The following EPB41L4A variants were observed in gnomAD, a reference collection of about 807,000 sequenced individuals.
EPB41L4A encodes erythrocyte membrane protein band 4.1 like 4A.
EPB41L4A carries 100 observed loss-of-function variants against 108.6 expected under a neutral mutation model. That is an observed-to-expected ratio of 0.92 (90% CI 0.78 to 1.09). The LOEUF (loss-of-function observed/expected upper bound fraction) is 1.09. EPB41L4A is among the 50% of genes least tolerant of loss of function. EPB41L4A has a pLI of 0.00. For missense variants in EPB41L4A, 1,030 were observed against 842.7 expected (o/e 1.22, Z -2.75); for synonymous variants, 319 against 289.0 (o/e 1.10, Z -1.05).
chr5:112,246,521 G>A lies in EPB41L4A; in HGVS notation c.796-5711C>T, dbSNP rs554457922. Among the ~76,000 whole-genome samples the A allele has an allele frequency of 3.3e-5, 5 of 152,212 alleles. No individual in the cohort carries two copies. The East Asian group carries it at 9.7e-4, about 29-fold the overall frequency. The stretch of plus-strand genomic sequence containing the variant: ...GCTGGGAACTGGGTCACGCAAACCT[G>A]CCTCTCCTTTTTGGTTCCTAAATAA... On this transcript the variant is annotated intron_variant, in intron 9 of 22. Transcript: ENST00000261486.
rs368151776 is a variant in EPB41L4A at position 112,234,679 on chromosome 5, G to A, written c.1042C>T (p.Arg348Ter). 6 of 1,613,492 alleles carry A rather than the reference G, an allele frequency of 3.7e-6. No individual in the cohort carries two copies. The highest frequency in any genetic ancestry group is 1.3e-5 in the African/African-American group (1 of 74,868). ...PRPDQNVTRS[R>*]SKTYPKRIAQ... ...ATTCGCTTAGGGTAAGTCTTGCTTC[G>A]ACTTCTTGTCACATTCTGATCAGGC... The change falls in exon 12 of 23, where the codon CGA becomes TGA. Residue 348 changes from arginine (R) to a stop codon, truncating the protein, a stop_gained. Coordinates refer to ENST00000261486, the MANE Select transcript of EPB41L4A (RefSeq NM_022140.5). LOFTEE classifies it high-confidence loss of function.
Position 112,205,444 on chromosome 5 carries a change from C to T in EPB41L4A, c.1239G>A (p.Pro413=), listed in dbSNP as rs770394354. ...PDTQRSKSHA[P]WEENGPQSGL... is the part of the protein sequence containing the mutation. ...ACCTCTGGGGGCCATTTTCTTCCCA[C>T]GGTGCATGAGATTTGCTTCTTTGGG... The change falls in exon 14 of 23, where the codon CCG becomes CCA. Residue 413 remains proline, a synonymous_variant. Transcript: ENST00000261486. 7 of 1,613,782 alleles carry T rather than the reference C, an allele frequency of 4.3e-6. No individual in the cohort carries two copies. Among genetic ancestry groups the T allele is most frequent in the South Asian group, 3.3e-5 (3 of 91,072 alleles).
chr5:112,209,257 T>C (rs1762615013), intron 13 of EPB41L4A, among the ~76,000 whole-genome samples: 1 of 152,248 alleles, frequency 6.6e-6, no homozygotes, highest in Admixed American at 6.5e-5. Flanking sequence ...TTGTTTATAA[T>C]GCTGTTCCGT....
intron 4 of EPB41L4A, among the ~76,000 whole-genome samples, chr5:112,274,293 C>A (rs934319129): frequency 2.6e-5 from 4 of 151,906 alleles, no homozygotes; most frequent in African/African-American, 9.7e-5. Context: ...AAAAATTAAA[C>A]AAATACAGAT....
At chr5:112,155,982 T>C (rs936904207) in intron 12 of EPB41L4A, among the ~76,000 whole-genome samples, 3 of 152,106 alleles carry the variant, frequency 2.0e-5, no homozygotes, top group East Asian at 1.9e-4. Flanking sequence ...AAAATAACTA[T>C]AGTCTCATCC....
At chr5:112,238,056 C>CCACTTTATTTAATAAA (rs1238621257) in intron 11 of EPB41L4A, among the ~76,000 whole-genome samples, 4 of 152,080 alleles carry the variant, frequency 2.6e-5, no homozygotes, top group Non-Finnish European at 2.9e-5. Flanking sequence ...TAAAGTATGG[C>CCACTTTATTTAATAAA]TAAATTTGTG....
Position 112,408,787 on chromosome 5 carries a change from T to G in EPB41L4A, c.99+10154A>C, listed in dbSNP as rs893766807. The stretch of plus-strand genomic sequence containing the variant: ...CAGAGAAAAATGCAAATGAACACAA[T>G]AAGATGCTACTTCACACCCAATAGG... On this transcript the variant is annotated intron_variant, in intron 1 of 22. Coordinates refer to ENST00000261486, the MANE Select transcript of EPB41L4A (RefSeq NM_022140.5). 2.6e-4 allele frequency among the ~76,000 whole-genome samples: 30 copies of G among 117,288 alleles called. 1 individual carries two copies. The highest frequency in any genetic ancestry group is 9.8e-4 in the African/African-American group (29 of 29,668). The allele number at this position is 117,288 out of a possible 152,430, so 76.9% of individuals were successfully genotyped here.
chr5:112,417,655 C>CT (rs1470349370), intron 1 of EPB41L4A, among the ~76,000 whole-genome samples: 4 of 152,114 alleles, frequency 2.6e-5, no homozygotes, highest in Non-Finnish European at 5.9e-5. Flanking sequence ...CGAAAAGAGT[C>CT]TATTTTATTG....
Position 112,236,729 on chromosome 5 carries a change from G to A in EPB41L4A, c.966-1974C>T, listed in dbSNP as rs114077162. Among the ~76,000 whole-genome samples, 550 of 152,264 alleles carry A rather than the reference G, an allele frequency of 3.6e-3. 7 individuals carry two copies. Among genetic ancestry groups the A allele is most frequent in the African/African-American group, 0.013 (525 of 41,550 alleles). ...TGCCAGCAGCCCCTTCAGCCTCTAA[G>A]TGAGACAGAAAGAAAAGAACGAGAG... On this transcript the variant is annotated intron_variant, in intron 11 of 22. Transcript: ENST00000261486.
At chr5:112,383,374 T>G (rs1760293131) in intron 1 of EPB41L4A, among the ~76,000 whole-genome samples, 1 of 152,178 alleles carries the variant, frequency 6.6e-6, no homozygotes, top group African/African-American at 2.4e-5. Context: ...AATGTGACAT[T>G]GCAGGATAAC....
At chr5:112,144,668 T>C (rs956655862) in intron 13 of EPB41L4A, among the ~76,000 whole-genome samples, 1 of 152,132 alleles carries the variant, frequency 6.6e-6, no homozygotes, top group African/African-American at 2.4e-5. Context: ...AGCTGGATCG[T>C]AGGATTGTAG....
At chr5:112,155,850 A>C (rs1449407899) in intron 12 of EPB41L4A, among the ~76,000 whole-genome samples, 3 of 152,186 alleles carry the variant, frequency 2.0e-5, no homozygotes, top group Non-Finnish European at 4.4e-5. Flanking sequence ...TAATTTTGCC[A>C]TTTAAAATAA....
chr5:112,343,875 T>C (rs776895024), intron 1 of EPB41L4A, among the ~76,000 whole-genome samples: 1 of 152,198 alleles, frequency 6.6e-6, no homozygotes, highest in South Asian at 2.1e-4. Flanking sequence ...ATCACACTTA[T>C]GAAACAACAT....
intron 2 of EPB41L4A, among the ~76,000 whole-genome samples, chr5:112,295,244 G>A (rs1308445332): frequency 6.6e-6 from 1 of 152,148 alleles, no homozygotes; most frequent in Admixed American, 6.5e-5. Flanking sequence ...GAGGAGAGGT[G>A]AGATGATGTA....
At chr5:112,288,897 G>A (rs775431042) in intron 2 of EPB41L4A, among the ~76,000 whole-genome samples, 5 of 151,550 alleles carry the variant, frequency 3.3e-5, no homozygotes, top group South Asian at 2.1e-4. Context: ...GCGCAATCTC[G>A]GCTCACTGCA....
intron 2 of EPB41L4A, among the ~76,000 whole-genome samples, chr5:112,303,830 C>T (rs1313453769): frequency 3.9e-5 from 6 of 151,900 alleles, no homozygotes; most frequent in Non-Finnish European, 7.4e-5. Context: ...CTGAAGTTTA[C>T]GCGTGATGCA....
At chr5:112,397,974 G>A (rs1761473472) in intron 1 of EPB41L4A, among the ~76,000 whole-genome samples, 1 of 152,162 alleles carries the variant, frequency 6.6e-6, no homozygotes, top group Non-Finnish European at 1.5e-5. Flanking sequence ...AAATCTCCAT[G>A]CATTTAGATC....
chr5:112,359,291 A>G (rs1758559460), intron 1 of EPB41L4A, among the ~76,000 whole-genome samples: 1 of 152,230 alleles, frequency 6.6e-6, no homozygotes, highest in Admixed American at 6.5e-5. Flanking sequence ...GTGATCCAAC[A>G]AAGGTAAAGA....
chr5:112,339,489 T>TATATAG (rs1561585084), intron 1 of EPB41L4A, among the ~76,000 whole-genome samples: 2 of 58,930 alleles, frequency 3.4e-5, no homozygotes, highest in Non-Finnish European at 8.3e-5. Context: ...TATATATATA[T>TATATAG]ATATATCTAT....
Sources: gnomAD v4.1 joint callset for allele counts (sites outside exome capture counted in the v4.1 genomes callset) on GRCh38, gnomAD v4.1.1 for gene constraint, MANE v1.5 for transcripts, NCBI Gene and HGNC (gene_info 2026-07-23, HGNC 2026-07-21) for gene names.